XKR9: variants seen among roughly 807,000 people sequenced by gnomAD.
The protein encoded by XKR9 is XK related 9.
XKR9 carries 32 observed loss-of-function variants against 32.0 expected under a neutral mutation model. The ratio of observed to expected loss-of-function variants is 1.00; its 90% CI spans 0.76 to 1.34. XKR9 has a LOEUF of 1.34. Ranked by LOEUF, XKR9 falls within the 40% of genes most tolerant of loss-of-function variation. The pLI is 0.00. For synonymous variants in XKR9, 168 were observed against 143.4 expected (o/e 1.17, Z -1.22); for missense variants, 546 against 429.7 (o/e 1.27, Z -2.39).
chr8:70,700,096 A>G (rs1805462984), intron 3 of XKR9, among the ~76,000 whole-genome samples: 1 of 152,098 alleles, frequency 6.6e-6, no homozygotes, highest in Non-Finnish European at 1.5e-5. Context: ...AATTTTTTTC[A>G]AAGTTTTTAA....
At chr8:70,707,406 CT>C (rs925573697) in intron 4 of XKR9, among the ~76,000 whole-genome samples, 8 of 151,560 alleles carry the variant, frequency 5.3e-5, no homozygotes, top group African/African-American at 1.2e-4. Flanking sequence ...AGCATATGTC[CT>C]TTTTTTTCTT....
the XKR9 span, among the ~76,000 whole-genome samples, chr8:71,052,437 A>G: frequency 6.6e-5 from 10 of 152,238 alleles, no homozygotes; most frequent in South Asian, 4.1e-4. Context: ...GGCACTTCGT[A>G]GACACTATCT....
chr8:70,695,420 A>G (rs1805232600), intron 3 of XKR9, among the ~76,000 whole-genome samples: 1 of 147,240 alleles, frequency 6.8e-6, no homozygotes, highest in Non-Finnish European at 1.5e-5. Context: ...GAGTGAGAAC[A>G]TGCAGTGTTT....
At chr8:70,759,231 G>T (rs1586886783) in intron 2 of XKR9, among the ~76,000 whole-genome samples, 1 of 152,172 alleles carries the variant, frequency 6.6e-6, no homozygotes, top group African/African-American at 2.4e-5. Flanking sequence ...TTTTAATCAT[G>T]GAATTTTTTA....
intron 3 of XKR9, among the ~76,000 whole-genome samples, chr8:70,704,070 T>G (rs990843868): frequency 6.6e-6 from 1 of 152,040 alleles, no homozygotes. Context: ...TAGTCCCAGC[T>G]ACTCGGGAGG....
At chr8:70,963,140 C>T in the XKR9 span, among the ~76,000 whole-genome samples, 2 of 152,022 alleles carry the variant, frequency 1.3e-5, no homozygotes, top group Non-Finnish European at 2.9e-5. Flanking sequence ...CTGAGAGGCC[C>T]CAGTGTGTGT....
intron 2 of XKR9, among the ~76,000 whole-genome samples, chr8:70,753,893 A>G (rs964549515): frequency 3.2e-4 from 47 of 148,024 alleles, no homozygotes; most frequent in African/African-American, 1.1e-3. Flanking sequence ...CCTATTCAAC[A>G]TAGTGTTGGA....
At chr8:70,869,455 C>T in the XKR9 span, among the ~76,000 whole-genome samples, 1 of 152,116 alleles carries the variant, frequency 6.6e-6, no homozygotes, top group Non-Finnish European at 1.5e-5. Context: ...CCTTTTAAAG[C>T]CATCAGATCT....
chr8:70,849,056 G>A, the XKR9 span, among the ~76,000 whole-genome samples: 2 of 152,170 alleles, frequency 1.3e-5, no homozygotes, highest in South Asian at 2.1e-4. Context: ...AAATTAACAA[G>A]GATATTCAGG....
the XKR9 span, among the ~76,000 whole-genome samples, chr8:70,904,487 A>T: frequency 5.9e-5 from 9 of 151,848 alleles, no homozygotes; most frequent in African/African-American, 1.9e-4. Context: ...ATCTTCCTCC[A>T]TCCCTTTATT....
chr8:70,731,780 T>G (rs181291356), intron 4 of XKR9, among the ~76,000 whole-genome samples: 11 of 152,292 alleles, frequency 7.2e-5, no homozygotes, highest in Admixed American at 5.9e-4. Context: ...GCTCATGGAA[T>G]GTAATCAGAC....
At chr8:70,957,123 G>A in the XKR9 span, among the ~76,000 whole-genome samples, 2 of 152,198 alleles carry the variant, frequency 1.3e-5, no homozygotes, top group South Asian at 4.1e-4. Context: ...CTTGTAATAT[G>A]AATTACACTT....
the XKR9 span, among the ~76,000 whole-genome samples, chr8:70,991,897 T>A: frequency 7.2e-6 from 1 of 138,722 alleles, no homozygotes; most frequent in Non-Finnish European, 1.5e-5. Context: ...TTCTTTAGAT[T>A]TGGTTGTCTT....
At chr8:70,746,623 T>C (rs1807063055) in intron 2 of XKR9, among the ~76,000 whole-genome samples, 1 of 152,008 alleles carries the variant, frequency 6.6e-6, no homozygotes, top group African/African-American at 2.4e-5. Flanking sequence ...TCTTTTTGCC[T>C]AGACTGGTAC....
rs1164518571 is a variant in XKR9, at chr8:70,695,136, T to C, written c.273-11797T>C. ...TGTCCTGCCTTGTTTTTCTTTTTTT[T>C]TTTTTTTTTCTCATTGATTTGTTTT... On this transcript the variant is annotated intron_variant, in intron 3 of 4. Coordinates refer to ENST00000408926, the MANE Select transcript of XKR9 (RefSeq NM_001011720.2). Among the ~76,000 whole-genome samples, 6 of 116,316 alleles carry C rather than the reference T, an allele frequency of 5.2e-5. No individual in the cohort carries two copies. In the East Asian group the frequency reaches 1.1e-3, roughly 21 times the overall value. 76.3% of individuals were successfully genotyped at this position (116,316 alleles called of 152,430 possible).
chr8:70,883,759 C>G, the XKR9 span, among the ~76,000 whole-genome samples: 1 of 151,958 alleles, frequency 6.6e-6, no homozygotes, highest in Non-Finnish European at 1.5e-5. Flanking sequence ...CTAGATGTAC[C>G]ATAGTTTGTT....
chr8:70,696,098 G>C (rs912038502), intron 3 of XKR9, among the ~76,000 whole-genome samples: 12 of 151,316 alleles, frequency 7.9e-5, no homozygotes, highest in Non-Finnish European at 1.6e-4. Flanking sequence ...TGTCAGATGA[G>C]TAGGTTGCAA....
chr8:70,900,229 T>A, the XKR9 span, among the ~76,000 whole-genome samples: 1 of 152,194 alleles, frequency 6.6e-6, no homozygotes, highest in African/African-American at 2.4e-5. Context: ...TTCCACTGGT[T>A]ACTTTATATA....
chr8:70,805,665 G>T, the XKR9 span, among the ~76,000 whole-genome samples: 1 of 152,206 alleles, frequency 6.6e-6, no homozygotes, highest in Admixed American at 6.5e-5. Flanking sequence ...CTCTTCAGGC[G>T]TGACCCTGAC....
Sources: allele counts gnomAD v4.1 joint callset (sites outside exome capture counted in the v4.1 genomes callset), GRCh38; gene constraint gnomAD v4.1.1; transcripts MANE v1.5; gene names NCBI Gene and HGNC (gene_info 2026-07-23, HGNC 2026-07-21).